NHSL1: variants seen among roughly 807,000 people sequenced by gnomAD.
NHSL1 encodes the protein NHS like 1.
A neutral mutation model predicts 95.0 loss-of-function variants in NHSL1; 48 were observed. The ratio of observed to expected loss-of-function variants is 0.51; its 90% CI spans 0.40 to 0.64. NHSL1 has a LOEUF of 0.64. Ranked by LOEUF, NHSL1 falls within the 30% of genes least tolerant of loss-of-function variation. NHSL1 has a pLI of 0.00. For missense variants in NHSL1, 1,971 were observed against 2,077.7 expected, an observed-to-expected ratio of 0.95 and a Z score of 1.00; for synonymous variants, 783 against 833.9, an observed-to-expected ratio of 0.94 and a Z score of 1.05.
chr6:138,424,078 G>A lies in NHSL1; in HGVS notation c.*3C>T, dbSNP rs746397681. On this transcript the variant is annotated 3_prime_UTR_variant, in exon 8 of 8. Transcript: ENST00000343505. This position sits in a 1 kb window ranked among gnomAD's most constrained non-coding sequence, Gnocchi z 5.9. ...GTCACCTGGGAGAGTTACGTTCTTG[G>A]CCCTAACTCTCCTCGCTCAGAGAAC... is the stretch of plus-strand genomic sequence containing the variant. 29 of 1,380,172 alleles carry A rather than the reference G, an allele frequency of 2.1e-5. No homozygotes were observed. The highest frequency in any genetic ancestry group is 2.2e-4 in the Middle Eastern group (1 of 4,446). The allele number at this position is 1,380,172 out of a possible 1,614,324, so 85.5% of individuals were successfully genotyped here.
At chr6:138,450,315 G>C (rs774158063) in intron 3 of NHSL1, among the ~76,000 whole-genome samples, 12 of 152,196 alleles carry the variant, frequency 7.9e-5, no homozygotes, top group Non-Finnish European at 1.6e-4. Context: ...CCAATTTCCT[G>C]ATACATACAC....
chr6:138,687,506 C>T (rs1472351515), intron 1 of NHSL1, among the ~76,000 whole-genome samples: 1 of 152,146 alleles, frequency 6.6e-6, no homozygotes, highest in Non-Finnish European at 1.5e-5. Context: ...ATTCTCAGTC[C>T]TGTTTATGCA....
chr6:138,567,920 C>T (rs1279918791), intron 1 of NHSL1, among the ~76,000 whole-genome samples: 2 of 152,164 alleles, frequency 1.3e-5, no homozygotes, highest in African/African-American at 4.8e-5. Context: ...TCATCAATCA[C>T]GCTTCTGCCC....
chr6:138,657,928 A>T (rs1330805613), intron 1 of NHSL1, among the ~76,000 whole-genome samples: 14 of 151,254 alleles, frequency 9.3e-5, no homozygotes. Context: ...TTTAATATTT[A>T]AAAATATTAA....
chr6:138,656,936 G>A (rs1186300082), intron 1 of NHSL1, among the ~76,000 whole-genome samples: 1 of 152,104 alleles, frequency 6.6e-6, no homozygotes. Context: ...TTACACATAC[G>A]CAACTTTGGT....
At chr6:138,492,145 A>G (rs962968657) in intron 2 of NHSL1, among the ~76,000 whole-genome samples, 35 of 152,328 alleles carry the variant, frequency 2.3e-4, no homozygotes, top group Non-Finnish European at 3.8e-4. Flanking sequence ...GTAGAGCGAA[A>G]TTATACATGG....
chr6:138,484,507 A>G (rs1196776635), intron 2 of NHSL1, among the ~76,000 whole-genome samples: 1 of 152,186 alleles, frequency 6.6e-6, no homozygotes, highest in Non-Finnish European at 1.5e-5. Flanking sequence ...GGGAAAATAC[A>G]CTACTAATTG....
chr6:138,448,031 T>C (rs1416030091), intron 3 of NHSL1, among the ~76,000 whole-genome samples: 2 of 152,250 alleles, frequency 1.3e-5, no homozygotes, highest in Admixed American at 1.3e-4. Flanking sequence ...TGTTAACTTA[T>C]ACGGCACTGA....
intron 1 of NHSL1, among the ~76,000 whole-genome samples, chr6:138,552,518 A>T (rs148068631): frequency 6.6e-6 from 1 of 152,068 alleles, no homozygotes; most frequent in Non-Finnish European, 1.5e-5. Flanking sequence ...GTCTCTTGAC[A>T]TCAGTCAAGA....
At position 138,431,670 on chromosome 6, in the gene NHSL1, A is replaced by T; in HGVS notation, c.2675T>A (p.Leu892Gln). 1 of 1,551,684 alleles carries T rather than the reference A, an allele frequency of 6.4e-7. No homozygotes were observed. Among genetic ancestry groups the T allele is most frequent in the Non-Finnish European group, 8.7e-7 (1 of 1,146,938 alleles). The stretch of plus-strand genomic sequence containing the variant: ...TGAGGAAATGGATACTGAAGATATC[A>T]GAGAGGACTTCCTTTCTGGTACCTT... ...KPKVPERKSS[L>Q]ISSVSISSSS... Residue 892 changes from leucine to glutamine, a missense_variant, in exon 6 of 8, where the codon CTG becomes CAG. Coordinates refer to ENST00000343505, the MANE Select transcript of NHSL1 (RefSeq NM_001144060.2). This position sits in a 1 kb window ranked among gnomAD's most constrained non-coding sequence, Gnocchi z 4.0.
upstream of NHSL1, among the ~76,000 whole-genome samples, chr6:138,573,813 G>C (rs1014556580): frequency 6.6e-6 from 1 of 152,204 alleles, no homozygotes; most frequent in Non-Finnish European, 1.5e-5. Context: ...ATGAGGACCA[G>C]GCTGCAGCCG....
chr6:138,630,809 A>G (rs1000501681), intron 1 of NHSL1, among the ~76,000 whole-genome samples: 1 of 152,220 alleles, frequency 6.6e-6, no homozygotes, highest in African/African-American at 2.4e-5. Context: ...GGAAGGGGGC[A>G]AGGCAAGATG....
At chr6:138,537,152 A>C (rs1280121375) in intron 1 of NHSL1, among the ~76,000 whole-genome samples, 6 of 152,224 alleles carry the variant, frequency 3.9e-5, no homozygotes, top group African/African-American at 1.4e-4. Flanking sequence ...TCTTGTTTTA[A>C]ATTTTTATCA....
At chr6:138,564,414 C>T (rs1252220218) in intron 1 of NHSL1, among the ~76,000 whole-genome samples, 4 of 152,064 alleles carry the variant, frequency 2.6e-5, no homozygotes, top group East Asian at 1.9e-4. Flanking sequence ...GCCTGTAATC[C>T]GAGCACTTTG....
chr6:138,513,318 A>AT (rs1253094539), intron 1 of NHSL1, among the ~76,000 whole-genome samples: 2 of 151,534 alleles, frequency 1.3e-5, no homozygotes, highest in East Asian at 3.9e-4. Context: ...CAAATACTAA[A>AT]CAAAAATGTC....
At chr6:138,512,489 A>G (rs1211619701) in intron 1 of NHSL1, 1 of 225,326 alleles carries the variant, frequency 4.4e-6, no homozygotes, top group African/African-American at 2.4e-5. Context: ...GGATAACTCT[A>G]TATTCTGAAC....
chr6:138,571,406 G>T (rs1783834955), intron 1 of NHSL1: 1 of 327,634 alleles, frequency 3.1e-6, no homozygotes, highest in Admixed American at 4.7e-5. Flanking sequence ...GGTGGTGGGT[G>T]GTTTATCATT....
chr6:138,617,061 A>G (rs1246631679), intron 1 of NHSL1, among the ~76,000 whole-genome samples: 2 of 152,234 alleles, frequency 1.3e-5, no homozygotes, highest in Non-Finnish European at 2.9e-5. Flanking sequence ...GATAAATTAT[A>G]TGGTTCACAT....
upstream of NHSL1, among the ~76,000 whole-genome samples, chr6:138,549,336 T>C (rs1021655043): frequency 9.9e-5 from 15 of 152,106 alleles, no homozygotes; most frequent in African/African-American, 3.1e-4. Flanking sequence ...TGAGCCAAGA[T>C]TGCGCCATTG....
Sources: gnomAD v4.1 joint callset for allele counts (sites outside exome capture counted in the v4.1 genomes callset) on GRCh38, gnomAD v4.1.1 for gene constraint, Gnocchi (gnomAD v3.1) non-coding constraint, MANE v1.5 for transcripts, NCBI Gene and HGNC (gene_info 2026-07-23, HGNC 2026-07-21) for gene names.